The following CBLB variants were observed in gnomAD, a reference collection of about 807,000 sequenced individuals.
CBLB encodes the protein E3 ubiquitin-protein ligase CBL-B.
A neutral mutation model predicts 104.9 loss-of-function variants in CBLB; 31 were observed. That is an observed-to-expected ratio of 0.30 (90% CI 0.22 to 0.40). The LOEUF (loss-of-function observed/expected upper bound fraction) is 0.40, where lower values mean the gene tolerates loss of function less well. Among genes scored for constraint, CBLB ranks in the 10% least tolerant of loss-of-function variants. The probability of loss-of-function intolerance (pLI) is 1.00; values close to 1 mark genes in which losing one functional copy is unlikely to be tolerated. For missense variants in CBLB, 1,062 were observed against 1,214.6 expected, an observed-to-expected ratio of 0.87 and a Z score of 1.87; for synonymous variants, 440 against 422.6, an observed-to-expected ratio of 1.04 and a Z score of -0.51.
chr3:105,729,394 T>C (rs1307698256), intron 9 of CBLB, among the ~76,000 whole-genome samples: 1 of 152,074 alleles, frequency 6.6e-6, no homozygotes, highest in Non-Finnish European at 1.5e-5. Context: ...AAATGGAAAA[T>C]GATAGTTGAA....
chr3:105,675,750 T>A (rs1234774346), intron 17 of CBLB, among the ~76,000 whole-genome samples: 2 of 151,878 alleles, frequency 1.3e-5, no homozygotes, highest in Non-Finnish European at 2.9e-5. Flanking sequence ...CCGAGTGTAG[T>A]GGTGCACACC....
intron 3 of CBLB, among the ~76,000 whole-genome samples, chr3:105,828,132 T>A (rs2086873711): frequency 6.6e-6 from 1 of 152,204 alleles, no homozygotes; most frequent in South Asian, 2.1e-4. Context: ...CATAACCCTG[T>A]TCACATTCTA....
chr3:105,841,981 C>G (rs1365141245), intron 3 of CBLB, among the ~76,000 whole-genome samples: 1 of 149,922 alleles, frequency 6.7e-6, no homozygotes. Context: ...GTGTATCAAA[C>G]AGCCTTAGAT....
In CBLB at chr3:105,681,644, A is replaced by G; in HGVS notation, c.2297-34T>C. The G allele has an allele frequency of 3.1e-6, 5 of 1,613,912 alleles. No homozygotes were observed. The African/African-American group carries it at 5.3e-5, about 17-fold the overall frequency. On this transcript the variant is annotated intron_variant, in intron 15 of 18. Coordinates refer to ENST00000394030, the MANE Select transcript of CBLB (RefSeq NM_170662.5). ...TAACACAAAACCTTAATGTATTTTC[A>G]GTACAATGGCATGAAATTTTGCCTT...
At chr3:105,717,829 T>C (rs564973078) in intron 10 of CBLB, among the ~76,000 whole-genome samples, 7 of 152,332 alleles carry the variant, frequency 4.6e-5, no homozygotes, top group African/African-American at 1.4e-4. Context: ...AGAATATGTA[T>C]TACATAGTAT....
At chr3:105,741,101 T>TTTTG (rs2075500290) in intron 6 of CBLB, among the ~76,000 whole-genome samples, 1 of 138,532 alleles carries the variant, frequency 7.2e-6, no homozygotes, top group South Asian at 2.3e-4. Context: ...TAGGGTTTTT[T>TTTTG]TTTTTTTTTT....
In CBLB at chr3:105,710,048, T is replaced by C. The variant is rs998230722; in HGVS notation, c.1408-5875A>G. Among the ~76,000 whole-genome samples the C allele has an allele frequency of 5.3e-5, 8 of 152,038 alleles. No individual in the cohort carries two copies. The South Asian group carries it at 1.5e-3, about 28-fold the overall frequency. ...TTCTTTGGGTCACTAGCTTTTTACA[T>C]TTTTTTGGTCCCCATATCCACTAAT... is the stretch of plus-strand genomic sequence containing the variant. On this transcript the variant is annotated intron_variant, in intron 10 of 18. Coordinates refer to ENST00000394030, the MANE Select transcript of CBLB (RefSeq NM_170662.5).
chr3:105,861,633 C>CT (rs375253763), intron 2 of CBLB, among the ~76,000 whole-genome samples: 173 of 147,646 alleles, frequency 1.2e-3, no homozygotes, highest in East Asian at 6.9e-3. Context: ...TCCCATCAAT[C>CT]TTTTTTTTTT....
At chr3:105,849,480 T>C (rs976414145) in intron 3 of CBLB, among the ~76,000 whole-genome samples, 2 of 152,152 alleles carry the variant, frequency 1.3e-5, no homozygotes, top group African/African-American at 4.8e-5. Flanking sequence ...TCATTGTGAA[T>C]AGTCAGCATT....
intron 3 of CBLB, among the ~76,000 whole-genome samples, chr3:105,814,540 A>G (rs925784489): frequency 2.0e-5 from 3 of 152,196 alleles, no homozygotes; most frequent in Admixed American, 2.0e-4. Flanking sequence ...AAGGAATGAC[A>G]AAAAGGATTC....
rs150905020 is a variant in CBLB, at chr3:105,701,874, G to C, written c.1959+220C>G. 1.2e-4 allele frequency among the ~76,000 whole-genome samples: 19 copies of C among 152,038 alleles called. No homozygotes were observed. In the East Asian group the frequency reaches 3.5e-3, roughly 28 times the overall value. On this transcript the variant is annotated intron_variant, in intron 12 of 18. Coordinates refer to ENST00000394030, the MANE Select transcript of CBLB (RefSeq NM_170662.5). ...AAATAAATCTCTGGCAAATTGTCTA[G>C]TGTCTTCACATTAAAATTAAATCAT...
intron 3 of CBLB, among the ~76,000 whole-genome samples, chr3:105,783,194 A>G (rs866504720): frequency 3.9e-5 from 6 of 152,340 alleles, no homozygotes; most frequent in Middle Eastern, 3.4e-3. Flanking sequence ...AAAGATAAAG[A>G]AAAGGTTACT....
chr3:105,758,478 C>T (rs1222581552), intron 4 of CBLB, among the ~76,000 whole-genome samples: 1 of 151,762 alleles, frequency 6.6e-6, no homozygotes, highest in Non-Finnish European at 1.5e-5. Context: ...CAGCCAGAAA[C>T]CTCTGTGATT....
intron 4 of CBLB, among the ~76,000 whole-genome samples, chr3:105,771,337 C>T (rs72995660): frequency 0.018 from 2,668 of 152,096 alleles, 71 homozygotes; most frequent in African/African-American, 0.061. Context: ...ACATACAGCA[C>T]CCCTTTATAA....
intron 18 of CBLB, among the ~76,000 whole-genome samples, chr3:105,666,897 A>C (rs184565443): frequency 2.5e-4 from 38 of 152,314 alleles, no homozygotes; most frequent in African/African-American, 9.1e-4. Context: ...GGAAAACTCA[A>C]CATTGCCATT....
At chr3:105,735,117 T>C (rs1470492699) in intron 8 of CBLB, among the ~76,000 whole-genome samples, 1 of 152,168 alleles carries the variant, frequency 6.6e-6, no homozygotes, top group Non-Finnish European at 1.5e-5. Flanking sequence ...GATAAATAAA[T>C]AATAATATTT....
At chr3:105,757,552 T>C (rs1469976236) in intron 4 of CBLB, among the ~76,000 whole-genome samples, 1 of 152,210 alleles carries the variant, frequency 6.6e-6, no homozygotes, top group Non-Finnish European at 1.5e-5. Context: ...AAACATGGAT[T>C]ATGTTTACTT....
intron 3 of CBLB, among the ~76,000 whole-genome samples, chr3:105,825,005 C>CTCTTTA (rs2086385957): frequency 6.6e-6 from 1 of 152,122 alleles, no homozygotes; most frequent in South Asian, 2.1e-4. Flanking sequence ...TCCTCCTATC[C>CTCTTTA]TAGATTATTC....
At chr3:105,843,394 T>C (rs2055557) in intron 3 of CBLB, among the ~76,000 whole-genome samples, 101,142 of 151,988 alleles carry the variant, frequency 0.67, 34,899 homozygotes, top group Middle Eastern at 0.8. Context: ...CTATGTGCAA[T>C]AGGGAAAAGT....
Sources: gnomAD v4.1 joint callset for allele counts (sites outside exome capture counted in the v4.1 genomes callset) on GRCh38, gnomAD v4.1.1 for gene constraint, MANE v1.5 for transcripts, NCBI Gene and HGNC (gene_info 2026-07-23, HGNC 2026-07-21) for gene names.